Variants in SMARCA4 observed in about 807,000 individuals in gnomAD.
SMARCA4 encodes SWI/SNF related BAF chromatin remodeling complex subunit ATPase 4.
Under a neutral mutation model 193.9 loss-of-function variants are expected in SMARCA4, and 31 were observed. That is an observed-to-expected ratio of 0.16 (90% confidence interval 0.12 to 0.22). The LOEUF (loss-of-function observed/expected upper bound fraction) is 0.22. SMARCA4 is among the 10% of genes least tolerant of loss of function. The probability of loss-of-function intolerance (pLI) is 1.00; values close to 1 mark genes in which losing one functional copy is unlikely to be tolerated. For missense variants in SMARCA4, 1,148 were observed against 2,296.0 expected, an observed-to-expected ratio of 0.50 and a Z score of 10.22; for synonymous variants, 942 against 933.1, an observed-to-expected ratio of 1.01 and a Z score of -0.17.
intron 32 of SMARCA4, 69 bp from the exon 33 acceptor site, chr19:11,059,684 G>A (rs2076744389): frequency 6.6e-7 from 1 of 1,519,840 alleles, no homozygotes; most frequent in Non-Finnish European, 8.9e-7. Context: ...GGCTGGGGCT[G>A]GGGCCAGGGC....
At chr19:11,020,195 T>C (rs1379230617) in intron 18 of SMARCA4, among the ~76,000 whole-genome samples, 2 of 152,148 alleles carry the variant, frequency 1.3e-5, no homozygotes, top group African/African-American at 2.4e-5. Flanking sequence ...GGCTGTTCTG[T>C]GAGGGTCCTA....
At chr19:11,038,731 C>T (rs2146763151) in intron 29 of SMARCA4, among the ~76,000 whole-genome samples, 1 of 152,054 alleles carries the variant, frequency 6.6e-6, no homozygotes, top group Non-Finnish European at 1.5e-5. Flanking sequence ...ACTGGCACAG[C>T]CTCAGATTCC....
intron 23 of SMARCA4, among the ~76,000 whole-genome samples, chr19:11,027,119 A>G (rs940076715): frequency 1.3e-5 from 2 of 152,218 alleles, no homozygotes; most frequent in African/African-American, 4.8e-5. Flanking sequence ...TAAAGCCTCC[A>G]TTCAATTCCC....
intron 1 of SMARCA4, among the ~76,000 whole-genome samples, chr19:10,965,928 A>G (rs1481552653): frequency 6.7e-6 from 1 of 148,306 alleles, no homozygotes; most frequent in Non-Finnish European, 1.5e-5. Flanking sequence ...TTGAAATTTC[A>G]CCATAAGGCA....
Position 11,060,114 on chromosome 19 carries a change from G to A in SMARCA4, c.4838G>A (p.Arg1613Gln), listed in dbSNP as rs1568565957. 3.2e-6 allele frequency: 5 copies of A among 1,551,072 alleles called. No homozygotes were observed. The highest frequency in any genetic ancestry group is 2.4e-5 in the East Asian group (1 of 40,914). Residue 1613 changes from arginine to glutamine, a missense_variant, in exon 34 of 35, where the codon CGG becomes CAG. This residue lies in a region of SMARCA4 where 105 missense variants were observed against 133.7 expected (regional missense o/e 0.79). Transcript: ENST00000344626. ...GCACAGGACCGGCTGAAGGGCGGCC[G>A]GCGGCGGCCGAGCCGAGGGTCCCGA... is the stretch of plus-strand genomic sequence containing the variant. The part of the protein sequence containing the change: ...EKAQDRLKGG[R>Q]RRPSRGSRAK...
intron 29 of SMARCA4, chr19:11,039,972 T>G (rs1019643545): frequency 6.5e-6 from 1 of 152,856 alleles, no homozygotes; most frequent in Non-Finnish European, 1.5e-5. Context: ...TCCCAGCTAC[T>G]CAGGAGGGTG....
intron 30 of SMARCA4, among the ~76,000 whole-genome samples, chr19:11,043,377 C>A (rs1165562472): frequency 6.6e-6 from 1 of 152,180 alleles, no homozygotes; most frequent in African/African-American, 2.4e-5. Context: ...AATGCCAGAT[C>A]TGAAAATGTC....
Position 10,987,119 on chromosome 19 carries a change from A to T in SMARCA4, c.859+116A>T. On this transcript the variant is annotated intron_variant, in intron 5 of 34. Coordinates refer to ENST00000344626, the MANE Select transcript of SMARCA4 (RefSeq NM_003072.5). The surrounding 1 kb of genome is among the most constrained non-coding windows in gnomAD (Gnocchi z 5.3). The stretch of plus-strand genomic sequence containing the variant: ...GCCGAGGGTGGTCAGGCTGAACTGC[A>T]GCCTGTACTTTTCTTGTGGTGGTCC... 1 of 755,176 alleles carries T rather than the reference A, an allele frequency of 1.3e-6. No individual in the cohort carries two copies. The highest frequency in any genetic ancestry group is 3.2e-4 in the Middle Eastern group (1 of 3,168). The allele number at this position is 755,176 out of a possible 1,614,324, so 46.8% of individuals were successfully genotyped here.
chr19:10,975,108 C>T (rs1908647663), intron 1 of SMARCA4, among the ~76,000 whole-genome samples: 1 of 143,248 alleles, frequency 7.0e-6, no homozygotes, highest in Non-Finnish European at 1.5e-5. Context: ...ACCTCCGTTT[C>T]CTGGTTCAAG....
intron 30 of SMARCA4, among the ~76,000 whole-genome samples, chr19:11,053,109 T>G (rs1292164033): frequency 1.3e-5 from 2 of 152,106 alleles, no homozygotes; most frequent in Non-Finnish European, 2.9e-5. Context: ...TCTTAAAAAC[T>G]GCACTTGGAG....
chr19:11,029,634 C>T (rs2090502813), intron 24 of SMARCA4, among the ~76,000 whole-genome samples: 1 of 152,236 alleles, frequency 6.6e-6, no homozygotes, highest in South Asian at 2.1e-4. Context: ...TGCACCGTGC[C>T]TGGGCATGTG....
At chr19:10,976,968 A>G (rs947415404) in intron 1 of SMARCA4, among the ~76,000 whole-genome samples, 2 of 151,978 alleles carry the variant, frequency 1.3e-5, no homozygotes, top group African/African-American at 4.8e-5. Flanking sequence ...GAGGCAGGAG[A>G]ATCGCTTGAA....
intron 1 of SMARCA4, among the ~76,000 whole-genome samples, chr19:10,976,821 G>A (rs973874665): frequency 6.6e-6 from 1 of 150,512 alleles, no homozygotes; most frequent in African/African-American, 2.5e-5. Context: ...TTGGGAGGCC[G>A]AGGCAGGCGG....
chr19:10,998,604 A>G (rs889357676), intron 11 of SMARCA4, among the ~76,000 whole-genome samples: 6 of 144,254 alleles, frequency 4.2e-5, no homozygotes, highest in African/African-American at 1.0e-4. Context: ...TTGTTTTTCT[A>G]TAGTAGGAAA....
At chr19:10,988,698 T>A (rs1306219154) in intron 6 of SMARCA4, among the ~76,000 whole-genome samples, 1 of 152,210 alleles carries the variant, frequency 6.6e-6, no homozygotes, top group Non-Finnish European at 1.5e-5. Context: ...TCTCTGGAAT[T>A]GCAGTGGATA....
intron 30 of SMARCA4, among the ~76,000 whole-genome samples, chr19:11,050,261 C>T (rs1275128141): frequency 6.6e-6 from 1 of 152,224 alleles, no homozygotes. Context: ...CGCAGCTAAG[C>T]CTCACAAGAG....
At chr19:11,049,175 GAC>G (rs1195204167) in intron 30 of SMARCA4, among the ~76,000 whole-genome samples, 1 of 152,162 alleles carries the variant, frequency 6.6e-6, no homozygotes, top group Non-Finnish European at 1.5e-5. Context: ...AGGCAGAGAG[GAC>G]ACAGTGCATG....
At chr19:11,051,692 C>T (rs368186111) in intron 30 of SMARCA4, among the ~76,000 whole-genome samples, 7 of 151,976 alleles carry the variant, frequency 4.6e-5, no homozygotes, top group African/African-American at 1.2e-4. Flanking sequence ...GGTTTAACCA[C>T]GTTGGCTAGG....
intron 14 of SMARCA4, among the ~76,000 whole-genome samples, chr19:11,010,090 T>C (rs1322659785): frequency 6.6e-6 from 1 of 151,376 alleles, no homozygotes; most frequent in Non-Finnish European, 1.5e-5. Flanking sequence ...CCTCCCAAAG[T>C]GTTGAAATTA....
Sources: allele counts gnomAD v4.1 joint callset (sites outside exome capture counted in the v4.1 genomes callset), GRCh38; gene constraint gnomAD v4.1.1; regional missense constraint gnomAD v4.1.1; non-coding constraint Gnocchi (gnomAD v3.1); transcripts MANE v1.5; gene names NCBI Gene and HGNC (gene_info 2026-07-23, HGNC 2026-07-21).